PALLD: variants seen among roughly 807,000 people sequenced by gnomAD.
PALLD encodes palladin.
A neutral mutation model predicts 123.5 loss-of-function variants in PALLD; 61 were observed. That is an observed-to-expected ratio of 0.49 (90% CI 0.40 to 0.61). The LOEUF (loss-of-function observed/expected upper bound fraction) is 0.61, where lower values mean the gene tolerates loss of function less well. Ranked by LOEUF, PALLD falls within the 20% of genes least tolerant of loss-of-function variation. The probability of loss-of-function intolerance (pLI) is 0.00; values close to 1 mark genes in which losing one functional copy is unlikely to be tolerated. For synonymous variants in PALLD, 465 were observed against 496.4 expected (o/e 0.94, Z 0.84); for missense variants, 1,273 against 1,377.0 (o/e 0.92, Z 1.20).
At chr4:168,589,000 G>C (rs780025772) in intron 2 of PALLD, among the ~76,000 whole-genome samples, 2 of 152,158 alleles carry the variant, frequency 1.3e-5, no homozygotes, top group Non-Finnish European at 2.9e-5. Flanking sequence ...GGGTCAAAAT[G>C]AACTTAAGGC....
intron 2 of PALLD, among the ~76,000 whole-genome samples, chr4:168,585,265 AGT>A (rs200438574): frequency 4.8e-4 from 73 of 150,852 alleles, no homozygotes; most frequent in African/African-American, 1.5e-3. Flanking sequence ...CCTTATGAGT[AGT>A]GTGTGTGTGT....
intron 2 of PALLD, among the ~76,000 whole-genome samples, chr4:168,564,630 G>T (rs944825708): frequency 2.6e-5 from 4 of 152,096 alleles, no homozygotes; most frequent in Admixed American, 6.6e-5. Context: ...ATCCATGGAG[G>T]ATTTAAACAT....
At chr4:168,568,967 T>C (rs1768691233) in intron 2 of PALLD, among the ~76,000 whole-genome samples, 1 of 151,960 alleles carries the variant, frequency 6.6e-6, no homozygotes, top group African/African-American at 2.4e-5. Context: ...TGTGCCTTCC[T>C]GAAGAAGGAA....
chr4:168,522,222 G>A (rs1356138876), intron 2 of PALLD, among the ~76,000 whole-genome samples: 1 of 152,126 alleles, frequency 6.6e-6, no homozygotes, highest in African/African-American at 2.4e-5. Context: ...CTTTGTTTTT[G>A]TATTTCAATA....
At chr4:168,527,028 A>G (rs1162395725) in intron 2 of PALLD, among the ~76,000 whole-genome samples, 1 of 152,190 alleles carries the variant, frequency 6.6e-6, no homozygotes, top group East Asian at 1.9e-4. Context: ...TGAAATTAAT[A>G]TGCAACAGTC....
chr4:168,738,750 T>C (rs1788031530), intron 10 of PALLD, among the ~76,000 whole-genome samples: 1 of 150,978 alleles, frequency 6.6e-6, no homozygotes, highest in African/African-American at 2.4e-5. Flanking sequence ...TAAACTCTTA[T>C]TCACACCCAG....
chr4:168,774,201 G>A (rs374372231), intron 10 of PALLD, among the ~76,000 whole-genome samples: 2 of 151,574 alleles, frequency 1.3e-5, no homozygotes, highest in African/African-American at 4.8e-5. Flanking sequence ...CTTTCTCCTT[G>A]TACTTGCCTC....
intron 10 of PALLD, among the ~76,000 whole-genome samples, chr4:168,757,725 A>T (rs77660472): frequency 6.6e-6 from 1 of 152,254 alleles, no homozygotes; most frequent in Non-Finnish European, 1.5e-5. Flanking sequence ...CAACGGCAAT[A>T]GTAACAGGTG....
At chr4:168,650,732 T>A (rs1777956706) in intron 2 of PALLD, among the ~76,000 whole-genome samples, 2 of 152,194 alleles carry the variant, frequency 1.3e-5, no homozygotes, top group Admixed American at 1.3e-4. Context: ...TTTAAATATC[T>A]TCATTTTCCT....
At chr4:168,690,455 C>A in intron 6 of PALLD, 148 bp from the exon 7 acceptor site, 1 of 945,418 alleles carries the variant, frequency 1.1e-6, no homozygotes, top group Non-Finnish European at 1.7e-6. Flanking sequence ...TTACCTGAGT[C>A]AGTGCTAATT....
At chr4:168,644,286 A>C (rs1777230737) in intron 2 of PALLD, among the ~76,000 whole-genome samples, 1 of 151,534 alleles carries the variant, frequency 6.6e-6, no homozygotes, top group African/African-American at 2.4e-5. Context: ...TGGGGTTTCA[A>C]CATGTTGGCC....
intron 10 of PALLD, among the ~76,000 whole-genome samples, chr4:168,842,507 CTTTCT>C (rs1561588821): frequency 1.3e-5 from 2 of 152,184 alleles, no homozygotes; most frequent in Admixed American, 1.3e-4. Context: ...CTTTGTGATA[CTTTCT>C]TTTATTTTCT....
intron 2 of PALLD, among the ~76,000 whole-genome samples, chr4:168,517,246 A>T (rs929558537): frequency 3.3e-5 from 5 of 152,212 alleles, no homozygotes; most frequent in Non-Finnish European, 7.3e-5. Context: ...ACACATCTTT[A>T]TATTATTAAT....
intron 10 of PALLD, among the ~76,000 whole-genome samples, chr4:168,871,604 T>C (rs1751084994): frequency 6.6e-6 from 1 of 152,262 alleles, no homozygotes; most frequent in Non-Finnish European, 1.5e-5. Flanking sequence ...TAAATTAGCA[T>C]AGTTTTTATA....
chr4:168,797,986 A>C (rs1738763644), intron 10 of PALLD, among the ~76,000 whole-genome samples: 1 of 152,212 alleles, frequency 6.6e-6, no homozygotes, highest in East Asian at 1.9e-4. Context: ...AATCAGAACC[A>C]GACACTTTTG....
At chr4:168,760,525 G>A (rs115574327) in intron 10 of PALLD, among the ~76,000 whole-genome samples, 1,725 of 152,178 alleles carry the variant, frequency 0.011, 31 homozygotes, top group African/African-American at 0.039. Context: ...GAGTAGGGGC[G>A]TACCGGGTGC....
At chr4:168,876,344 G>A (rs1483950799) in intron 10 of PALLD, among the ~76,000 whole-genome samples, 2 of 152,204 alleles carry the variant, frequency 1.3e-5, no homozygotes, top group African/African-American at 4.8e-5. Context: ...ACAGACATCT[G>A]GAACTTCAGG....
At chr4:168,666,193 G>C (rs575318582) in intron 2 of PALLD, among the ~76,000 whole-genome samples, 3 of 152,082 alleles carry the variant, frequency 2.0e-5, no homozygotes, top group Non-Finnish European at 4.4e-5. Context: ...GTTTCCCTGT[G>C]GAGTACATCT....
chr4:168,577,237 T>C (rs779840231), intron 2 of PALLD, among the ~76,000 whole-genome samples: 2 of 152,062 alleles, frequency 1.3e-5, no homozygotes, highest in African/African-American at 4.8e-5. Context: ...AGTGTATGAG[T>C]GGTTGAAGTA....
Sources: gnomAD v4.1 joint callset for allele counts (sites outside exome capture counted in the v4.1 genomes callset) on GRCh38, gnomAD v4.1.1 for gene constraint, MANE v1.5 for transcripts, NCBI Gene and HGNC (gene_info 2026-07-23, HGNC 2026-07-21) for gene names.